Variants in RALYL observed in about 807,000 individuals in gnomAD.
The protein encoded by RALYL is RALY RNA binding protein like.
In RALYL, 29 loss-of-function variants were observed where a neutral mutation model predicts 35.1. The observed-to-expected ratio is 0.83, with a 90% CI of 0.61 to 1.13. RALYL has a LOEUF of 1.13. Ranked by LOEUF, RALYL falls within the 50% of genes most tolerant of loss-of-function variation. The probability of loss-of-function intolerance (pLI) is 0.00; values close to 1 mark genes in which losing one functional copy is unlikely to be tolerated. For missense variants in RALYL, 359 were observed against 360.4 expected, an observed-to-expected ratio of 1.00 and a Z score of 0.03; for synonymous variants, 120 against 127.6, an observed-to-expected ratio of 0.94 and a Z score of 0.40.
intron 1 of RALYL, among the ~76,000 whole-genome samples, chr8:84,246,201 C>T (rs943093168): frequency 2.6e-5 from 4 of 152,190 alleles, no homozygotes; most frequent in Middle Eastern, 3.4e-3. Context: ...CTTCCTTCCT[C>T]ACCCTGCCTC....
chr8:84,626,845 A>C (rs571895571), intron 2 of RALYL, among the ~76,000 whole-genome samples: 51 of 152,296 alleles, frequency 3.3e-4, no homozygotes, highest in Middle Eastern at 3.4e-3. Flanking sequence ...TTTAATCAAT[A>C]ATGTTTTAGA....
intron 2 of RALYL, among the ~76,000 whole-genome samples, chr8:84,696,817 A>T (rs1839239262): frequency 1.3e-5 from 2 of 152,028 alleles, no homozygotes; most frequent in Non-Finnish European, 2.9e-5. Flanking sequence ...TGGTAATGGC[A>T]AATGCAGAGT....
At chr8:84,790,819 C>A (rs979990212) in intron 3 of RALYL, among the ~76,000 whole-genome samples, 1 of 152,152 alleles carries the variant, frequency 6.6e-6, no homozygotes, top group Non-Finnish European at 1.5e-5. Flanking sequence ...TTGGTTACAG[C>A]TTCACATCTG....
At chr8:84,289,562 A>G (rs921998924) in intron 1 of RALYL, among the ~76,000 whole-genome samples, 2 of 152,086 alleles carry the variant, frequency 1.3e-5, no homozygotes, top group Non-Finnish European at 2.9e-5. Context: ...ATCTCCCACT[A>G]GTAGAGTATG....
intron 2 of RALYL, among the ~76,000 whole-genome samples, chr8:84,703,953 A>G (rs778713089): frequency 6.8e-4 from 103 of 152,212 alleles, no homozygotes; most frequent in Non-Finnish European, 6.3e-4. Context: ...TATACTGAGA[A>G]CTCACGTAAT....
At chr8:84,755,313 C>T (rs1223824109) in intron 2 of RALYL, among the ~76,000 whole-genome samples, 1 of 152,040 alleles carries the variant, frequency 6.6e-6, no homozygotes, top group African/African-American at 2.4e-5. Context: ...TGTTGTTAAC[C>T]CGATATCAGT....
chr8:84,438,138 A>C (rs935814858), intron 1 of RALYL, among the ~76,000 whole-genome samples: 1 of 151,848 alleles, frequency 6.6e-6, no homozygotes, highest in East Asian at 1.9e-4. Context: ...TAACTTTCTT[A>C]TATATTCTGG....
At chr8:84,613,911 A>G (rs1413095382) in intron 2 of RALYL, among the ~76,000 whole-genome samples, 1 of 149,634 alleles carries the variant, frequency 6.7e-6, no homozygotes, top group Non-Finnish European at 1.5e-5. Context: ...TTATATTTCA[A>G]TGGCTACAGA....
intron 2 of RALYL, among the ~76,000 whole-genome samples, chr8:84,715,880 A>G (rs559552177): frequency 1.3e-4 from 20 of 152,246 alleles, no homozygotes; most frequent in Non-Finnish European, 2.1e-4. Flanking sequence ...ATATTGACTC[A>G]AAGTATTAAT....
chr8:84,780,515 T>C (rs922457414), intron 3 of RALYL, among the ~76,000 whole-genome samples: 2 of 152,246 alleles, frequency 1.3e-5, no homozygotes, highest in Non-Finnish European at 2.9e-5. Flanking sequence ...CAAATGAATG[T>C]TGAAATGCTT....
intron 1 of RALYL, among the ~76,000 whole-genome samples, chr8:84,241,278 G>A (rs1160761868): frequency 1.3e-5 from 2 of 152,012 alleles, no homozygotes; most frequent in East Asian, 1.9e-4. Flanking sequence ...TCTCTATATA[G>A]TCTCTGCTTC....
chr8:84,504,191 A>G (rs2056962194), intron 1 of RALYL, among the ~76,000 whole-genome samples: 1 of 152,174 alleles, frequency 6.6e-6, no homozygotes, highest in Non-Finnish European at 1.5e-5. Flanking sequence ...AATTCAAAAA[A>G]GAAGGAAAAG....
chr8:84,389,084 A>G (rs1486640663), intron 1 of RALYL, among the ~76,000 whole-genome samples: 2 of 152,112 alleles, frequency 1.3e-5, no homozygotes, highest in Admixed American at 6.6e-5. Flanking sequence ...TCCCAGCACC[A>G]TTTATTAAAT....
At chr8:84,793,773 A>G (rs1821325604) in intron 3 of RALYL, among the ~76,000 whole-genome samples, 1 of 152,172 alleles carries the variant, frequency 6.6e-6, no homozygotes, top group African/African-American at 2.4e-5. Flanking sequence ...CCAAGATTTA[A>G]TGCCTTCAGA....
At chr8:84,763,596 G>A (rs757972975) in intron 2 of RALYL, among the ~76,000 whole-genome samples, 4 of 152,116 alleles carry the variant, frequency 2.6e-5, no homozygotes, top group Admixed American at 6.6e-5. Context: ...GTGAACACTT[G>A]TCTGGATTTT....
intron 1 of RALYL, among the ~76,000 whole-genome samples, chr8:84,219,403 CTG>C (rs1821628933): frequency 6.6e-6 from 1 of 152,030 alleles, no homozygotes; most frequent in Non-Finnish European, 1.5e-5. Flanking sequence ...CCATGCTGAA[CTG>C]TGAGTCAATT....
chr8:84,381,658 C>G (rs1858017773), intron 1 of RALYL, among the ~76,000 whole-genome samples: 1 of 151,862 alleles, frequency 6.6e-6, no homozygotes, highest in Non-Finnish European at 1.5e-5. Flanking sequence ...TGTGCATGCT[C>G]TTAACCTTCT....
At chr8:84,374,868 T>G (rs1477707365) in intron 1 of RALYL, among the ~76,000 whole-genome samples, 1 of 151,586 alleles carries the variant, frequency 6.6e-6, no homozygotes, top group African/African-American at 2.4e-5. Context: ...AAGACAAAAT[T>G]TAATTAATTA....
intron 1 of RALYL, among the ~76,000 whole-genome samples, chr8:84,431,396 T>G (rs2047125860): frequency 6.6e-6 from 1 of 151,956 alleles, no homozygotes; most frequent in Non-Finnish European, 1.5e-5. Context: ...CTATGAAAAA[T>G]TGCTCAATAT....
Sources: gnomAD v4.1 joint callset for allele counts (sites outside exome capture counted in the v4.1 genomes callset) on GRCh38, gnomAD v4.1.1 for gene constraint, MANE v1.5 for transcripts, NCBI Gene and HGNC (gene_info 2026-07-23, HGNC 2026-07-21) for gene names.